TUBGCP3: variants seen among roughly 807,000 people sequenced by gnomAD.
TUBGCP3 encodes the protein gamma-tubulin complex component 3.
A neutral mutation model predicts 123.1 loss-of-function variants in TUBGCP3; 50 were observed. The observed-to-expected ratio is 0.41, with a 90% CI of 0.32 to 0.51. The LOEUF is 0.51. TUBGCP3 is among the 20% of genes least tolerant of loss of function. The pLI is 0.36. For synonymous variants in TUBGCP3, 405 were observed against 413.9 expected, an observed-to-expected ratio of 0.98 and a Z score of 0.26; for missense variants, 882 against 1,127.0, an observed-to-expected ratio of 0.78 and a Z score of 3.11.
rs1876165292 is a variant in TUBGCP3 at position 112,516,719 on chromosome 13, C to A, written c.1951-144G>T. The A allele has an allele frequency of 4.1e-6, 4 of 983,700 alleles. No homozygotes were observed. The Admixed American group carries it at 1.2e-4, about 28-fold the overall frequency. 60.9% of individuals were successfully genotyped at this position (983,700 alleles called of 1,614,324 possible). On this transcript the variant is annotated intron_variant, in intron 16 of 21. Transcript: ENST00000261965. ...TAAGTAAAGTCACAGTAACAGAAGG[C>A]AGGCATTTTTATGCCAGTTGTACAG...
chr13:112,554,765 T>C, intron 7 of TUBGCP3, 122 bp downstream of exon 7: 2 of 662,808 alleles, frequency 3.0e-6, no homozygotes, highest in East Asian at 2.7e-5. Context: ...CACAGTGCAA[T>C]TTCACCTCAC....
chr13:112,509,885 T>C (rs1325594891), intron 17 of TUBGCP3, among the ~76,000 whole-genome samples: 1 of 152,226 alleles, frequency 6.6e-6, no homozygotes, highest in Non-Finnish European at 1.5e-5. Context: ...AGTCCTTTAG[T>C]TCCTAAAAAA....
At chr13:112,549,739 T>C (rs890879508) in intron 8 of TUBGCP3, among the ~76,000 whole-genome samples, 5 of 151,848 alleles carry the variant, frequency 3.3e-5, no homozygotes, top group East Asian at 3.9e-4. Context: ...CCTGTAATCC[T>C]AGCACTTTGG....
chr13:112,547,535 T>TGGGAAAGTCGC (rs1566567281), intron 10 of TUBGCP3, 85 bp downstream of exon 10: 2 of 1,162,182 alleles, frequency 1.7e-6, no homozygotes, highest in East Asian at 2.9e-5. Flanking sequence ...GGGAAAGACG[T>TGGGAAAGTCGC]GCATGGGAAA....
At chr13:112,496,802 C>G (rs1332726936) in intron 20 of TUBGCP3, among the ~76,000 whole-genome samples, 2 of 152,104 alleles carry the variant, frequency 1.3e-5, no homozygotes, top group Non-Finnish European at 2.9e-5. Flanking sequence ...CTGGCTAACA[C>G]AGTGAAACCC....
chr13:112,554,480 C>A (rs1220091021), intron 7 of TUBGCP3, among the ~76,000 whole-genome samples: 3 of 152,078 alleles, frequency 2.0e-5, no homozygotes, highest in Non-Finnish European at 4.4e-5. Flanking sequence ...CACAGTGTGA[C>A]CCACACCACA....
intron 2 of TUBGCP3, among the ~76,000 whole-genome samples, chr13:112,568,315 A>C (rs935626995): frequency 6.7e-6 from 1 of 150,160 alleles, no homozygotes; most frequent in South Asian, 2.1e-4. Context: ...CCAAGGCCAA[A>C]TGGGTTTCTA....
At chr13:112,574,877 C>T (rs888225294) in intron 1 of TUBGCP3, among the ~76,000 whole-genome samples, 3 of 152,192 alleles carry the variant, frequency 2.0e-5, no homozygotes, top group Non-Finnish European at 4.4e-5. Flanking sequence ...AAACCCAAAC[C>T]ACAAACAGGC....
In TUBGCP3 at chr13:112,519,821, G is replaced by C; in HGVS notation, c.1881+65C>G. ...GAAACAACATGGAAAACACTCGCTA[G>C]AACACCCCGGCCCAGTGGGTCCTCG... On this transcript the variant is annotated intron_variant, in intron 15 of 21. Transcript: ENST00000261965. This position sits in a 1 kb window ranked among gnomAD's most constrained non-coding sequence, Gnocchi z 6.2. The C allele has an allele frequency of 6.4e-7, 1 of 1,555,480 alleles. No individual in the cohort carries two copies. The highest frequency in any genetic ancestry group is 8.7e-7 in the Non-Finnish European group (1 of 1,150,638).
chr13:112,560,029 G>T (rs1317649800), intron 3 of TUBGCP3, among the ~76,000 whole-genome samples: 1 of 151,948 alleles, frequency 6.6e-6, no homozygotes, highest in African/African-American at 2.4e-5. Context: ...AGCTACTCGG[G>T]AGGCTGAGAC....
In TUBGCP3 at chr13:112,549,938, C is replaced by A. The variant is rs557153293; in HGVS notation, c.967-1762G>T. On this transcript the variant is annotated intron_variant, in intron 8 of 21. Coordinates refer to ENST00000261965, the MANE Select transcript of TUBGCP3 (RefSeq NM_006322.6). ...ACAGGAGGCGGGGCTTGCAGTGAGCCAAGATCACAACACTGCACTTCAGCC... is the reference window on the plus strand; with the variant it reads ...ACAGGAGGCGGGGCTTGCAGTGAGCAAAGATCACAACACTGCACTTCAGCC... Among the ~76,000 whole-genome samples, 4 of 130,728 alleles carry A rather than the reference C, an allele frequency of 3.1e-5. No homozygotes were observed. The South Asian group carries it at 7.3e-4, about 24-fold the overall frequency. The allele number at this position is 130,728 out of a possible 152,430, so 85.8% of individuals were successfully genotyped here. A position where few individuals can be genotyped will look rare whatever the true frequency, so the allele number is the denominator to read the frequency against.
At chr13:112,552,848 C>A (rs1296897525) in intron 8 of TUBGCP3, among the ~76,000 whole-genome samples, 2 of 149,140 alleles carry the variant, frequency 1.3e-5, no homozygotes, top group Non-Finnish European at 3.0e-5. Context: ...CTCCTCCCCA[C>A]CAGCCACGCT....
chr13:112,566,474 G>A (rs948498873), intron 2 of TUBGCP3, among the ~76,000 whole-genome samples: 1 of 152,108 alleles, frequency 6.6e-6, no homozygotes, highest in African/African-American at 2.4e-5. Flanking sequence ...AAGGATCTTG[G>A]TATGAAGCAC....
At chr13:112,503,764 C>T (rs4540963) in intron 19 of TUBGCP3, among the ~76,000 whole-genome samples, 148,303 of 152,336 alleles carry the variant, frequency 0.97, 72,226 homozygotes, top group East Asian at 1. Context: ...CAATAGGATA[C>T]CATTATATCT....
Position 112,519,756 on chromosome 13 carries a change from G to A in TUBGCP3, c.1881+130C>T. The A allele has an allele frequency of 8.0e-7, 1 of 1,244,680 alleles. No individual in the cohort carries two copies. Among genetic ancestry groups the A allele is most frequent in the Non-Finnish European group, 1.1e-6 (1 of 938,752 alleles). The allele number at this position is 1,244,680 out of a possible 1,614,324, so 77.1% of individuals were successfully genotyped here. A position where few individuals can be genotyped will look rare whatever the true frequency, so the allele number is the denominator to read the frequency against. On this transcript the variant is annotated intron_variant, in intron 15 of 21. Coordinates refer to ENST00000261965, the MANE Select transcript of TUBGCP3 (RefSeq NM_006322.6). The surrounding 1 kb of genome is among the most constrained non-coding windows in gnomAD (Gnocchi z 6.2). ...AGCCACAGAGTGGAGTTCCTACTCAGGCTGCCCAGTTTCCAGAAAGATAAC... is the reference window on the plus strand; with the variant it reads ...AGCCACAGAGTGGAGTTCCTACTCAAGCTGCCCAGTTTCCAGAAAGATAAC...
intron 19 of TUBGCP3, among the ~76,000 whole-genome samples, chr13:112,499,410 C>A (rs781065779): frequency 6.6e-6 from 1 of 152,206 alleles, no homozygotes; most frequent in Non-Finnish European, 1.5e-5. Context: ...GCACCTGCAC[C>A]CGTAACAAGA....
chr13:112,549,869 G>C (rs1207321704), intron 8 of TUBGCP3, among the ~76,000 whole-genome samples: 2 of 151,752 alleles, frequency 1.3e-5, no homozygotes, highest in Admixed American at 1.3e-4. Context: ...GGGTGCCTGT[G>C]GTCCCAGCTA....
rs1566574561 is a variant in TUBGCP3, at chr13:112,555,016, AT to A, written c.722-12del. 1.3e-6 allele frequency: 2 copies of A among 1,532,288 alleles called. No individual in the cohort carries two copies. The highest frequency in any genetic ancestry group is 8.9e-7 in the Non-Finnish European group (1 of 1,119,952). 94.9% of individuals were successfully genotyped at this position (1,532,288 alleles called of 1,614,324 possible). ...TAATTTCCATAGTACCTGCAAAATCATTTTTTAAAGACAGTAATTACTAGAC... is the reference window on the plus strand; with the variant it reads ...TAATTTCCATAGTACCTGCAAAATCATTTTTAAAGACAGTAATTACTAGAC... On this transcript the variant is annotated splice_polypyrimidine_tract_variant and intron_variant, in intron 6 of 21. Coordinates refer to ENST00000261965, the MANE Select transcript of TUBGCP3 (RefSeq NM_006322.6).
At chr13:112,497,978 A>C (rs1194760393) in intron 20 of TUBGCP3, among the ~76,000 whole-genome samples, 1 of 152,240 alleles carries the variant, frequency 6.6e-6, no homozygotes, top group East Asian at 1.9e-4. Flanking sequence ...CTTGCTTAAT[A>C]AATCTGAAAA....
Sources: gnomAD v4.1 joint callset for allele counts (sites outside exome capture counted in the v4.1 genomes callset) on GRCh38, gnomAD v4.1.1 for gene constraint, Gnocchi (gnomAD v3.1) non-coding constraint, MANE v1.5 for transcripts, NCBI Gene and HGNC (gene_info 2026-07-23, HGNC 2026-07-21) for gene names.